Variants in LAMA3 observed in about 807,000 individuals in gnomAD.
LAMA3 encodes laminin subunit alpha 3.
LAMA3 carries 281 observed loss-of-function variants against 402.0 expected under a neutral mutation model. The ratio of observed to expected loss-of-function variants is 0.70; its 90% CI spans 0.63 to 0.77. LAMA3 has a LOEUF of 0.77. Among genes scored for constraint, LAMA3 ranks in the 30% least tolerant of loss-of-function variants. The pLI, the probability that LAMA3 is intolerant of heterozygous loss-of-function variation, is 0.00. For synonymous variants in LAMA3, 1,431 were observed against 1,558.4 expected, an observed-to-expected ratio of 0.92 and a Z score of 1.93; for missense variants, 3,840 against 4,215.5, an observed-to-expected ratio of 0.91 and a Z score of 2.47.
At chr18:23,923,757 C>T (rs188221049) in intron 62 of LAMA3, among the ~76,000 whole-genome samples, 1 of 152,236 alleles carries the variant, frequency 6.6e-6, no homozygotes, top group Non-Finnish European at 1.5e-5. Context: ...GAGGAATTCT[C>T]AAGTTGAGGC....
rs761201182 is a variant in LAMA3, at chr18:23,839,744, G to A, written c.3192-41G>A. ...CTGATGGTCAGTTCTGTAGCTTTGG[G>A]TTCTTTTAAAAATCAGATTTTTAAA... On this transcript the variant is annotated intron_variant, in intron 26 of 74. Transcript: ENST00000313654. The surrounding 1 kb of genome is among the most constrained non-coding windows in gnomAD (Gnocchi z 4.5). 1.2e-6 allele frequency: 2 copies of A among 1,611,502 alleles called. No individual in the cohort carries two copies. Among genetic ancestry groups the A allele is most frequent in the Non-Finnish European group, 1.7e-6 (2 of 1,177,730 alleles).
chr18:23,901,683 A>G (rs1387517992), intron 48 of LAMA3, among the ~76,000 whole-genome samples: 2 of 152,238 alleles, frequency 1.3e-5, no homozygotes, highest in Non-Finnish European at 2.9e-5. Flanking sequence ...TGTGTCAAAT[A>G]TGTATACTTT....
At chr18:23,922,270 C>A (rs1287466684) in intron 62 of LAMA3, among the ~76,000 whole-genome samples, 1 of 152,204 alleles carries the variant, frequency 6.6e-6, no homozygotes, top group African/African-American at 2.4e-5. Context: ...AGGATTAGTG[C>A]AGCCTCATGA....
intron 32 of LAMA3, among the ~76,000 whole-genome samples, chr18:23,854,361 G>A (rs930854316): frequency 5.3e-5 from 8 of 152,218 alleles, no homozygotes; most frequent in African/African-American, 1.7e-4. Context: ...ACAAAACGTG[G>A]CCAGGTGCGG....
intron 2 of LAMA3, among the ~76,000 whole-genome samples, chr18:23,736,900 C>A (rs1242928155): frequency 6.6e-6 from 1 of 152,134 alleles, no homozygotes; most frequent in Non-Finnish European, 1.5e-5. Flanking sequence ...AGCCCAGAGG[C>A]CCCTCTCCAG....
chr18:23,808,314 A>T (rs1199993635), intron 12 of LAMA3, among the ~76,000 whole-genome samples: 1 of 152,194 alleles, frequency 6.6e-6, no homozygotes. Flanking sequence ...TACATAATAT[A>T]ATGTAAATGC....
In LAMA3 at chr18:23,895,009, G is replaced by T; in HGVS notation, c.5564G>T (p.Gly1855Val). 2 of 1,612,398 alleles carry T rather than the reference G, an allele frequency of 1.2e-6. No homozygotes were observed. The highest frequency in any genetic ancestry group is 1.7e-4 in the Middle Eastern group (1 of 6,054). Residue 1855 changes from glycine to valine, a missense_variant, in exon 44 of 75, where the codon GGG becomes GTG. This residue lies in a region of LAMA3 where 891 missense variants were observed against 857.5 expected (regional missense o/e 1.04). Transcript: ENST00000313654. ...SQLQGLSASA[G>V]LLEQMRHMET... ...CTGCAGGGCCTGAGTGCCAGCGCAGGGCTTCTGGAGCAGATGAGGCACATG... is the reference window on the plus strand; with the variant it reads ...CTGCAGGGCCTGAGTGCCAGCGCAGTGCTTCTGGAGCAGATGAGGCACATG...
chr18:23,723,886 T>A (rs1445971039), intron 2 of LAMA3, among the ~76,000 whole-genome samples: 1 of 152,148 alleles, frequency 6.6e-6, no homozygotes, highest in Non-Finnish European at 1.5e-5. Flanking sequence ...TTTTTTAAAA[T>A]TTTTATTTCT....
chr18:23,892,415 G>A (rs933897233), intron 42 of LAMA3, among the ~76,000 whole-genome samples: 1 of 151,402 alleles, frequency 6.6e-6, no homozygotes, highest in Non-Finnish European at 1.5e-5. Context: ...ACTAATAAGG[G>A]ACACATTCCT....
At chr18:23,797,757 A>T (rs1395072546) in intron 12 of LAMA3, among the ~76,000 whole-genome samples, 1 of 152,174 alleles carries the variant, frequency 6.6e-6, no homozygotes, top group Admixed American at 6.5e-5. Flanking sequence ...AGAGAATTTT[A>T]AAACCCTTCT....
At position 23,819,865 on chromosome 18, in the gene LAMA3, A is replaced by G. The variant is rs1188823627; in HGVS notation, c.2172A>G (p.Pro724=). ...GGCCTGAAAACAACTACTATTTCCC[A>G]GATTTGCATCATATGAAGTATGAGA... The part of the protein sequence containing the change: ...CQRPENNYYF[P]DLHHMKYEIE... Residue 724 remains proline, a synonymous_variant, in exon 19 of 75, where the codon CCA becomes CCG. Coordinates refer to ENST00000313654, the MANE Select transcript of LAMA3 (RefSeq NM_198129.4). 5 of 1,614,016 alleles carry G rather than the reference A, an allele frequency of 3.1e-6. No individual in the cohort carries two copies. The highest frequency in any genetic ancestry group is 1.3e-5 in the African/African-American group (1 of 74,924).
intron 2 of LAMA3, among the ~76,000 whole-genome samples, chr18:23,717,719 A>ATTTTTTT (rs1568109215): frequency 8.6e-6 from 1 of 116,806 alleles, no homozygotes; most frequent in African/African-American, 3.9e-5. Context: ...TGCCTGGCTA[A>ATTTTTTT]ATTTTTTTTT....
At chr18:23,912,688 A>G (rs1599076528) in intron 55 of LAMA3, 23 bp from the exon 56 acceptor site, 1 of 1,609,466 alleles carries the variant, frequency 6.2e-7, no homozygotes, top group Non-Finnish European at 8.5e-7. Flanking sequence ...AGTGTTTGAC[A>G]CCATGTAACT....
rs535602009 is a variant in LAMA3 at position 23,735,407 on chromosome 18, C to T, written c.448-12536C>T. Among the ~76,000 whole-genome samples, 233 of 152,320 alleles carry T rather than the reference C, an allele frequency of 1.5e-3. 2 individuals are homozygous for T. The highest frequency in any genetic ancestry group is 6.8e-3 in the Middle Eastern group (2 of 294). Reference sequence around the variant, plus strand: ...GTTGTTAGAGAGTTGTAGAGCTATGCGTGTAGGCTTCTAGGAGTGAGCTGC... The same window carrying T: ...GTTGTTAGAGAGTTGTAGAGCTATGTGTGTAGGCTTCTAGGAGTGAGCTGC... On this transcript the variant is annotated intron_variant, in intron 2 of 74. Coordinates refer to ENST00000313654, the MANE Select transcript of LAMA3 (RefSeq NM_198129.4).
At position 23,784,820 on chromosome 18, in the gene LAMA3, CATT is replaced by C. The variant is rs1451222033; in HGVS notation, c.1603+667_1603+669del. ...CCCCTGCCTCCTTTCTACTGTCTGA[CATT>C]ATTCTTCTTTCTGCAGACAATGGTG... On this transcript the variant is annotated intron_variant, in intron 12 of 74. Coordinates refer to ENST00000313654, the MANE Select transcript of LAMA3 (RefSeq NM_198129.4). Among the ~76,000 whole-genome samples, 8 of 152,142 alleles carry C rather than the reference CATT, an allele frequency of 5.3e-5. No individual in the cohort carries two copies. The East Asian group carries it at 1.5e-3, about 29-fold the overall frequency.
intron 38 of LAMA3, among the ~76,000 whole-genome samples, chr18:23,871,939 A>G (rs2064536551): frequency 6.6e-6 from 1 of 152,226 alleles, no homozygotes; most frequent in Non-Finnish European, 1.5e-5. Flanking sequence ...CTATAGTTTC[A>G]AATAGCTAGA....
intron 22 of LAMA3, 39 bp downstream of exon 22, chr18:23,826,838 T>A: frequency 4.7e-6 from 6 of 1,274,026 alleles, no homozygotes; most frequent in Non-Finnish European, 6.7e-6. Flanking sequence ...ATCATTGGGG[T>A]CCTCTAAATT....
At position 23,916,543 on chromosome 18, in the gene LAMA3, G is replaced by C. The variant is rs2081627708; in HGVS notation, c.7779-8G>C. The stretch of plus-strand genomic sequence containing the variant: ...TGTGTTCTAATTTATGATGATTAAT[G>C]TTGACAGGAGGAAGGAAGAGTCAGA... On this transcript the variant is annotated splice_region_variant and splice_polypyrimidine_tract_variant and intron_variant, in intron 59 of 74. Coordinates refer to ENST00000313654, the MANE Select transcript of LAMA3 (RefSeq NM_198129.4). The C allele has an allele frequency of 6.8e-6, 11 of 1,614,000 alleles. No homozygotes were observed. Among genetic ancestry groups the C allele is most frequent in the Non-Finnish European group, 9.3e-6 (11 of 1,179,868 alleles).
At position 23,890,088 on chromosome 18, in the gene LAMA3, A is replaced by T. The variant is rs760481191; in HGVS notation, c.5381A>T (p.Gln1794Leu). Residue 1794 changes from glutamine (Q) to leucine (L), a missense_variant, in exon 42 of 75, where the codon CAG becomes CTG. By Grantham distance (113) the Gln-to-Leu change is moderately radical (BLOSUM62 -2). Around this residue, in one of 3 missense-constraint regions of LAMA3, gnomAD observed 2,109 missense variants for 2,376.0 expected, o/e 0.89. Transcript: ENST00000313654. ...CQPCSCNSNG[Q>L]LGSCHPLTGD... The stretch of plus-strand genomic sequence containing the variant: ...CCATGCAGTTGTAACAGCAATGGCC[A>T]GCTGGGCAGCTGTCATCCCCTGACT... 1.2e-6 allele frequency: 2 copies of T among 1,613,726 alleles called. No individual in the cohort carries two copies. The highest frequency in any genetic ancestry group is 2.7e-5 in the African/African-American group (2 of 74,936).
Sources: gnomAD v4.1 joint callset for allele counts (sites outside exome capture counted in the v4.1 genomes callset) on GRCh38, gnomAD v4.1.1 for gene constraint, gnomAD v4.1.1 regional missense constraint, Gnocchi (gnomAD v3.1) non-coding constraint, MANE v1.5 for transcripts, NCBI Gene and HGNC (gene_info 2026-07-23, HGNC 2026-07-21) for gene names.